The following TRIM65 variants were observed in gnomAD, a reference collection of about 807,000 sequenced individuals.
The protein encoded by TRIM65 is tripartite motif containing 65, also known as E3 ubiquitin-protein ligase TRIM65.
Under a neutral mutation model 36.1 loss-of-function variants are expected in TRIM65, and 46 were observed. That is an observed-to-expected ratio of 1.27 (90% CI 1.01 to 1.63). The LOEUF is 1.63. TRIM65 is among the 40% of genes most tolerant of loss of function. The probability of loss-of-function intolerance (pLI) is 0.00; values close to 1 mark genes in which losing one functional copy is unlikely to be tolerated. For missense variants in TRIM65, 708 were observed against 696.6 expected (o/e 1.02, Z -0.18); for synonymous variants, 346 against 313.6 (o/e 1.10, Z -1.09).
intron 2 of TRIM65, 95 bp downstream of exon 2, chr17:75,892,660 C>A: frequency 7.5e-7 from 1 of 1,328,074 alleles, no homozygotes. Flanking sequence ...CTGCTCAGCC[C>A]CGCTCCCTGC....
intron 4 of TRIM65, among the ~76,000 whole-genome samples, chr17:75,883,011 C>T (rs78532451): frequency 0.12 from 17,209 of 148,932 alleles, 1,586 homozygotes; most frequent in African/African-American, 0.16. Context: ...AAAAGCAATC[C>T]GGTGATGACA....
At position 75,892,379 on chromosome 17, in the gene TRIM65, GC is replaced by G; in HGVS notation, c.631del (p.Ala211HisfsTer52). On this transcript the variant is annotated frameshift_variant, in exon 3 of 6. Transcript: ENST00000269383. LOFTEE classifies it high-confidence loss of function. Reference protein sequence around the residue: ...SIEVAKTQALAQARDEEQRLR... With the variant: ...SIEVAKTQALXQARDEEQRLR... ...CCGCTGCTCCTCGTCTCGAGCCTGT[GC>G]CAGCGCCTGCGTCTTGGCCACCTCG... 1 of 1,613,816 alleles carries G rather than the reference GC, an allele frequency of 6.2e-7. No individual in the cohort carries two copies. Among genetic ancestry groups the G allele is most frequent in the African/African-American group, 1.3e-5 (1 of 75,060 alleles).
chr17:75,896,495 A>AC (rs2065348205), intron 1 of TRIM65, 29 bp downstream of exon 1: 1 of 1,304,416 alleles, frequency 7.7e-7, no homozygotes, highest in Non-Finnish European at 9.7e-7. Context: ...GCGGGTCCGG[A>AC]CCCCTCCCGC....
In TRIM65 at chr17:75,890,807, A is replaced by G. The variant is rs3760128; in HGVS notation, c.1526T>C (p.Leu509Pro). ...LCHQPGAVFP[L>P]GPQEEVLS is the part of the protein sequence containing the mutation. ...GCTGAGCACCTCTTCCTGGGGCCCC[A>G]GAGGGAACACAGCCCCTGGCTGATG... is the stretch of plus-strand genomic sequence containing the variant. Residue 509 changes from leucine (L) to proline (P), a missense_variant, in exon 6 of 6, where the codon CTG (leucine) becomes CCG (proline). By Grantham distance (98) the Leu-to-Pro change is moderately conservative (BLOSUM62 -3). Transcript: ENST00000269383. 0.36 allele frequency: 535,465 copies of G among 1,499,910 alleles called. 105,844 individuals carry two copies. The highest frequency in any genetic ancestry group is 0.84 in the African/African-American group (59,313 of 70,536). The allele number at this position is 1,499,910 out of a possible 1,614,324, so 92.9% of individuals were successfully genotyped here.
rs538733182 is a variant in TRIM65, at chr17:75,880,697, A to C, written c.350-68T>G. The C allele has an allele frequency of 1.7e-4, 26 of 150,508 alleles. 1 individual carries two copies. The highest frequency in any genetic ancestry group is 6.3e-4 in the African/African-American group (25 of 39,870). The allele number at this position is 150,508 out of a possible 1,614,324, so 9.3% of individuals were successfully genotyped here. A position where few individuals can be genotyped will look rare whatever the true frequency, so the allele number is the denominator to read the frequency against. On this transcript the variant is annotated intron_variant, in intron 4 of 4. Coordinates refer to the TRIM65 transcript ENST00000591668. Reference sequence around the variant, plus strand: ...GGCCCAAATGTGCTAGAGGTCATGCATGTCCCCCGGTGTTCCTGGCCCTCT... The same window carrying C: ...GGCCCAAATGTGCTAGAGGTCATGCCTGTCCCCCGGTGTTCCTGGCCCTCT...
At chr17:75,894,695 A>C (rs530545868) in intron 1 of TRIM65, among the ~76,000 whole-genome samples, 1 of 152,134 alleles carries the variant, frequency 6.6e-6, no homozygotes, top group Non-Finnish European at 1.5e-5. Context: ...AGGCCTGGCT[A>C]ATTTTTTGTA....
At chr17:75,891,387 C>T in intron 5 of TRIM65, 40 bp from the exon 6 acceptor site, 2 of 1,598,010 alleles carry the variant, frequency 1.3e-6, no homozygotes, top group East Asian at 4.5e-5. Flanking sequence ...TGGGGGAAGA[C>T]AGCACAACCA....
chr17:75,885,310 A>G (rs565154648), downstream of TRIM65, among the ~76,000 whole-genome samples: 23 of 152,288 alleles, frequency 1.5e-4, no homozygotes, highest in African/African-American at 5.1e-4. Flanking sequence ...AGTTAAAGAA[A>G]GGGTCTTGTT....
chr17:75,890,766 T>C lies in TRIM65; in HGVS notation c.*13A>G, dbSNP rs2065252039. On this transcript the variant is annotated 3_prime_UTR_variant, in exon 6 of 6. Transcript: ENST00000269383. ...TGGTGGCAGCTATGCCAGGGCTCCA[T>C]CCCATGCCTTCTTCAGCTGAGCACC... 6.9e-7 allele frequency: 1 copy of C among 1,455,058 alleles called. No homozygotes were observed. The highest frequency in any genetic ancestry group is 9.1e-7 in the Non-Finnish European group (1 of 1,104,092). 90.1% of individuals were successfully genotyped at this position (1,455,058 alleles called of 1,614,324 possible). A position where few individuals can be genotyped will look rare whatever the true frequency, so the allele number is the denominator to read the frequency against.
In TRIM65 at chr17:75,891,041, C is replaced by T; in HGVS notation, c.1292G>A (p.Ser431Asn). 6.2e-7 allele frequency: 1 copy of T among 1,612,216 alleles called. No homozygotes were observed. Among genetic ancestry groups the T allele is most frequent in the South Asian group, 1.1e-5 (1 of 90,936 alleles). Residue 431 changes from serine (S) to asparagine (N), a missense_variant, in exon 6 of 6, where the codon AGC (serine) becomes AAC (asparagine). Ser to Asn is a conservative substitution (Grantham distance 46, BLOSUM62 1). Transcript: ENST00000269383. ...TTCCCCGTTGTGCCAGGCCTGGAGG[C>T]TGTCCTCCTGGACGCAGAGCCCCCA... is the stretch of plus-strand genomic sequence containing the variant. ...CSWGLCVQED[S>N]LQAWHNGEAQ...
At chr17:75,885,118 G>A (rs1241677009), downstream of TRIM65, among the ~76,000 whole-genome samples, 4 of 151,758 alleles carry the variant, frequency 2.6e-5, no homozygotes, top group South Asian at 4.2e-4. Context: ...AGTAGAGACG[G>A]GGTTTCACCA....
At chr17:75,881,457 G>A (rs2065169282) in intron 4 of TRIM65, among the ~76,000 whole-genome samples, 1 of 150,246 alleles carries the variant, frequency 6.7e-6, no homozygotes, top group African/African-American at 2.5e-5. Context: ...GCACAGTCAG[G>A]GTTCCAGTGA....
At chr17:75,879,676 T>C (rs1457720357), downstream of TRIM65, 1 of 150,852 alleles carries the variant, frequency 6.6e-6, no homozygotes, top group Non-Finnish European at 1.5e-5. Context: ...TATGAGTCCA[T>C]GCCGATATAA....
intron 4 of TRIM65, among the ~76,000 whole-genome samples, chr17:75,882,489 G>A (rs770895375): frequency 1.2e-4 from 18 of 150,658 alleles, no homozygotes; most frequent in Non-Finnish European, 1.9e-4. Flanking sequence ...GATTACAGAC[G>A]TGAGCCACCG....
At position 75,895,159 on chromosome 17, in the gene TRIM65, G is replaced by A. The variant is rs940128154; in HGVS notation, c.414+1365C>T. Reference sequence around the variant, plus strand: ...CAGAAACCCAGGTGTCTCCCTTGCCGCCCTCTCTGCTGTCCCCCGTGTCCC... The same window carrying A: ...CAGAAACCCAGGTGTCTCCCTTGCCACCCTCTCTGCTGTCCCCCGTGTCCC... On this transcript the variant is annotated intron_variant, in intron 1 of 5. Coordinates refer to ENST00000269383, the MANE Select transcript of TRIM65 (RefSeq NM_173547.4). Among the ~76,000 whole-genome samples the A allele has an allele frequency of 5.9e-5, 9 of 152,162 alleles. No homozygotes were observed. In the South Asian group the frequency reaches 1.0e-3, roughly 18 times the overall value.
chr17:75,887,446 T>C (rs1599449036), downstream of TRIM65, among the ~76,000 whole-genome samples: 1 of 152,056 alleles, frequency 6.6e-6, no homozygotes, highest in East Asian at 1.9e-4. Flanking sequence ...ATTGCTCCAC[T>C]GCACTCCAGC....
downstream of TRIM65, among the ~76,000 whole-genome samples, chr17:75,888,232 A>G (rs909447182): frequency 1.3e-5 from 2 of 151,280 alleles, no homozygotes; most frequent in African/African-American, 4.8e-5. Flanking sequence ...GTGCGCTTAT[A>G]ATCCCAGCTA....
intron 4 of TRIM65, among the ~76,000 whole-genome samples, chr17:75,883,059 TG>T (rs2065178963): frequency 6.7e-6 from 1 of 148,610 alleles, no homozygotes; most frequent in Non-Finnish European, 1.5e-5. Flanking sequence ...CTTCTGTCTC[TG>T]AAAATTATTG....
chr17:75,893,336 A>G (rs2065300503), intron 1 of TRIM65, among the ~76,000 whole-genome samples: 2 of 152,162 alleles, frequency 1.3e-5, no homozygotes, highest in African/African-American at 4.8e-5. Context: ...GGACCTCCCA[A>G]AGCACCAAAG....
Sources: allele counts gnomAD v4.1 joint callset (sites outside exome capture counted in the v4.1 genomes callset), GRCh38; gene constraint gnomAD v4.1.1; transcripts MANE v1.5; gene names NCBI Gene and HGNC (gene_info 2026-07-23, HGNC 2026-07-21).